Variants in PLB1 observed in about 807,000 individuals in gnomAD.
PLB1 encodes the protein phospholipase B1, also known as phospholipase B1, membrane-associated.
In PLB1, 242 loss-of-function variants were observed where a neutral mutation model predicts 227.4. The observed-to-expected ratio is 1.06, with a 90% CI of 0.96 to 1.18. The LOEUF is 1.18. Among genes scored for constraint, PLB1 ranks in the 50% most tolerant of loss-of-function variants. The pLI is 0.00. For missense variants in PLB1, 1,858 were observed against 1,816.3 expected, an observed-to-expected ratio of 1.02 and a Z score of -0.42; for synonymous variants, 757 against 682.2, an observed-to-expected ratio of 1.11 and a Z score of -1.71.
In PLB1 at chr2:28,600,354, C is replaced by G. The variant is rs564281589; in HGVS notation, c.2475-455C>G. Among the ~76,000 whole-genome samples the G allele has an allele frequency of 9.2e-5, 14 of 152,268 alleles. No homozygotes were observed. In the South Asian group the frequency reaches 2.9e-3, roughly 32 times the overall value. On this transcript the variant is annotated intron_variant, in intron 35 of 57. Coordinates refer to ENST00000327757, the MANE Select transcript of PLB1 (RefSeq NM_153021.5). Reference sequence around the variant, plus strand: ...CCATTGGAGGAAATAAAGAGGAAGCCTGTGTGTCGATATGAACATTTTTAC... The same window carrying G: ...CCATTGGAGGAAATAAAGAGGAAGCGTGTGTGTCGATATGAACATTTTTAC...
chr2:28,601,062 T>C (rs1344652603), intron 36 of PLB1, among the ~76,000 whole-genome samples, 190 bp from the exon 37 acceptor site: 1 of 151,584 alleles, frequency 6.6e-6, no homozygotes, highest in Non-Finnish European at 1.5e-5. Context: ...ACAGCGACAC[T>C]GAAAATCCCT....
In PLB1 at chr2:28,529,736, G is replaced by A. The variant is rs781691292; in HGVS notation, c.425G>A (p.Trp142Ter). 4 of 1,614,028 alleles carry A rather than the reference G, an allele frequency of 2.5e-6. No individual in the cohort carries two copies. Among genetic ancestry groups the A allele is most frequent in the Admixed American group, 3.3e-5 (2 of 60,026 alleles). ...VIPHDGAEDLWIQAQELVRNM... is the reference protein window; with the variant it reads ...VIPHDGAEDL ...TCCCTCCCTCTGCACAGAGACTTGT[G>A]GATTCAGGCTCAAGAACTGGTGAGA... is the stretch of plus-strand genomic sequence containing the variant. The change falls in exon 8 of 58, where the codon TGG becomes TAG. Residue 142 changes from tryptophan to a stop codon, truncating the protein, a stop_gained. Transcript: ENST00000327757. LOFTEE classifies it high-confidence loss of function.
chr2:28,605,740 G>A (rs1241628843), intron 41 of PLB1, 113 bp from the exon 42 acceptor site: 1 of 765,408 alleles, frequency 1.3e-6, no homozygotes, highest in Non-Finnish European at 2.3e-6. Flanking sequence ...CTGGTGACCT[G>A]GAGCACTCCA....
intron 9 of PLB1, among the ~76,000 whole-genome samples, chr2:28,537,496 G>A (rs1010961854): frequency 1.3e-5 from 2 of 151,990 alleles, no homozygotes; most frequent in African/African-American, 4.8e-5. Flanking sequence ...TTTGAGACCA[G>A]CCTGGCCAAC....
intron 22 of PLB1, 27 bp from the exon 23 acceptor site, chr2:28,579,600 T>C (rs1379504176): frequency 6.3e-7 from 1 of 1,576,152 alleles, no homozygotes; most frequent in African/African-American, 1.4e-5. Context: ...GACAAGGTGC[T>C]TACTTCTGTG....
rs1411020271 is a variant in PLB1, at chr2:28,509,137, T to C, written c.56-7671T>C. Among the ~76,000 whole-genome samples, 4 of 152,324 alleles carry C rather than the reference T, an allele frequency of 2.6e-5. No homozygotes were observed. In the South Asian group the frequency reaches 6.2e-4, roughly 24 times the overall value. On this transcript the variant is annotated intron_variant, in intron 1 of 57. Transcript: ENST00000327757. ...TAATCAAGGTCATGAAATGGCTGTA[T>C]TCCCTCAAGGAAGGGACAGGGGCTA... is the stretch of plus-strand genomic sequence containing the variant.
intron 20 of PLB1, among the ~76,000 whole-genome samples, chr2:28,569,353 G>C (rs866346830): frequency 6.6e-6 from 1 of 152,150 alleles, no homozygotes; most frequent in African/African-American, 2.4e-5. Flanking sequence ...AGGCCCTGGG[G>C]TATATATAGA....
chr2:28,579,759 C>A, intron 23 of PLB1, 52 bp downstream of exon 23: 1 of 1,470,396 alleles, frequency 6.8e-7, no homozygotes, highest in Non-Finnish European at 9.5e-7. Flanking sequence ...AGGATTTTCA[C>A]AGCCCGGTCA....
intron 44 of PLB1, among the ~76,000 whole-genome samples, chr2:28,616,179 T>C (rs541443090): frequency 3.4e-4 from 52 of 152,318 alleles, no homozygotes; most frequent in African/African-American, 1.2e-3. Context: ...AGGGTGACTA[T>C]AGTTAACAGT....
intron 46 of PLB1, among the ~76,000 whole-genome samples, chr2:28,619,970 G>T (rs995732994): frequency 6.6e-6 from 1 of 152,144 alleles, no homozygotes; most frequent in Admixed American, 6.5e-5. Flanking sequence ...ATTGCCCGTG[G>T]CAGGGAGGTG....
At chr2:28,504,212 T>C (rs1315734583) in intron 1 of PLB1, among the ~76,000 whole-genome samples, 4 of 152,346 alleles carry the variant, frequency 2.6e-5, no homozygotes, top group Admixed American at 6.5e-5. Flanking sequence ...CTACCAACTT[T>C]ACCATCTTCT....
chr2:28,581,680 G>A (rs1221948386), intron 23 of PLB1, among the ~76,000 whole-genome samples: 1 of 152,010 alleles, frequency 6.6e-6, no homozygotes, highest in African/African-American at 2.4e-5. Context: ...GAAAGAAGGG[G>A]ACTCTGGCCA....
At chr2:28,515,814 T>C (rs1572691546) in intron 1 of PLB1, among the ~76,000 whole-genome samples, 2 of 152,298 alleles carry the variant, frequency 1.3e-5, no homozygotes, top group East Asian at 3.9e-4. Context: ...GGAAGTAAGG[T>C]ACCCTGACCT....
At chr2:28,627,953 C>G (rs1026428349) in intron 51 of PLB1, among the ~76,000 whole-genome samples, 43 of 152,342 alleles carry the variant, frequency 2.8e-4, no homozygotes, top group African/African-American at 9.9e-4. Context: ...GCCCATCTCC[C>G]TCTGCTATAA....
chr2:28,550,642 G>A (rs181474624), intron 16 of PLB1, among the ~76,000 whole-genome samples: 11 of 151,364 alleles, frequency 7.3e-5, no homozygotes, highest in African/African-American at 2.7e-4. Context: ...CTGGGTTCAA[G>A]CGATTCTCCT....
intron 53 of PLB1, 138 bp downstream of exon 53, chr2:28,629,323 A>C (rs532994825): frequency 3.2e-6 from 2 of 634,496 alleles, no homozygotes; most frequent in African/African-American, 3.7e-5. Flanking sequence ...CTTGGACAAC[A>C]TCAGGAAGTA....
At chr2:28,613,982 A>C (rs1487302710) in intron 43 of PLB1, 49 bp from the exon 44 acceptor site, 3 of 1,494,436 alleles carry the variant, frequency 2.0e-6, no homozygotes, top group Admixed American at 3.4e-5. Flanking sequence ...TTCTCAAGCA[A>C]ACTTCAGTGC....
At chr2:28,524,722 G>T (rs949688903) in intron 4 of PLB1, among the ~76,000 whole-genome samples, 1 of 152,094 alleles carries the variant, frequency 6.6e-6, no homozygotes, top group Non-Finnish European at 1.5e-5. Context: ...CTAAGTGGAG[G>T]AAAACGTCCC....
intron 9 of PLB1, among the ~76,000 whole-genome samples, chr2:28,535,869 G>C (rs900207290): frequency 6.6e-6 from 1 of 152,140 alleles, no homozygotes; most frequent in African/African-American, 2.4e-5. Context: ...GCAGTGAGCT[G>C]AGATCATGCC....
Sources: allele counts gnomAD v4.1 joint callset (sites outside exome capture counted in the v4.1 genomes callset), GRCh38; gene constraint gnomAD v4.1.1; transcripts MANE v1.5; gene names NCBI Gene and HGNC (gene_info 2026-07-23, HGNC 2026-07-21).